Variants in CYP4Z1 observed in about 807,000 individuals in gnomAD.
CYP4Z1 encodes cytochrome P450 4Z1.
CYP4Z1 carries 41 observed loss-of-function variants against 54.2 expected under a neutral mutation model. The ratio of observed to expected loss-of-function variants is 0.76; its 90% CI spans 0.59 to 0.98. The LOEUF is 0.98. Ranked by LOEUF, CYP4Z1 falls within the 50% of genes least tolerant of loss-of-function variation. CYP4Z1 has a pLI of 0.00. For missense variants in CYP4Z1, 513 were observed against 599.0 expected (o/e 0.86, Z 1.50); for synonymous variants, 163 against 206.2 (o/e 0.79, Z 1.79).
intron 2 of CYP4Z1, among the ~76,000 whole-genome samples, chr1:47,077,882 A>G (rs1471057960): frequency 5.3e-5 from 8 of 152,236 alleles, no homozygotes; most frequent in South Asian, 2.1e-4. Flanking sequence ...GTCTCCCAAA[A>G]TGCTGAGACT....
intron 9 of CYP4Z1, among the ~76,000 whole-genome samples, chr1:47,113,819 TTCCATGC>T (rs1344689943): frequency 2.0e-5 from 3 of 152,118 alleles, no homozygotes; most frequent in African/African-American, 4.8e-5. Context: ...TGGAAGAACA[TTCCATGC>T]TCCTGGGTAG....
chr1:47,056,865 C>G, the CYP4Z1 span, among the ~76,000 whole-genome samples: 1 of 152,104 alleles, frequency 6.6e-6, no homozygotes, highest in African/African-American at 2.4e-5. Flanking sequence ...TGTCTTGACT[C>G]TTTATCCAAT....
the CYP4Z1 span, among the ~76,000 whole-genome samples, chr1:47,057,717 T>G: frequency 6.6e-6 from 1 of 151,884 alleles, no homozygotes; most frequent in Non-Finnish European, 1.5e-5. Flanking sequence ...ATATTTTCCT[T>G]TAAGTCTTTT....
intron 2 of CYP4Z1, chr1:47,074,714 A>G: frequency 2.9e-6 from 1 of 349,970 alleles, no homozygotes; most frequent in East Asian, 7.0e-5. Context: ...GCAGTACCAC[A>G]TTGTTTTGGT....
chr1:47,117,954 A>G lies in CYP4Z1; in HGVS notation c.*20A>G, dbSNP rs1254298547. The G allele has an allele frequency of 1.9e-6, 3 of 1,606,340 alleles. No homozygotes were observed. The highest frequency in any genetic ancestry group is 2.6e-6 in the Non-Finnish European group (3 of 1,174,754). On this transcript the variant is annotated 3_prime_UTR_variant, in exon 12 of 12. Coordinates refer to ENST00000334194, the MANE Select transcript of CYP4Z1 (RefSeq NM_178134.3). ...TGCTAATTTTAAGTCCTTTCGTATA[A>G]GAATTAATGAGACAATTTTCCTACC...
chr1:47,090,666 T>G (rs1370753759), intron 6 of CYP4Z1, among the ~76,000 whole-genome samples: 3 of 152,212 alleles, frequency 2.0e-5, no homozygotes, highest in Admixed American at 6.5e-5. Context: ...CTCAGTTACT[T>G]ATCTTTCATG....
intron 6 of CYP4Z1, among the ~76,000 whole-genome samples, chr1:47,089,320 T>G (rs1021493581): frequency 6.6e-6 from 1 of 152,164 alleles, no homozygotes; most frequent in African/African-American, 2.4e-5. Flanking sequence ...TGGGTTTTTT[T>G]AATAATTTTT....
intron 9 of CYP4Z1, among the ~76,000 whole-genome samples, chr1:47,107,862 G>C (rs1249879958): frequency 1.3e-5 from 2 of 152,052 alleles, no homozygotes; most frequent in Admixed American, 1.3e-4. Flanking sequence ...TCCTGATCTT[G>C]TGGCTTTTGC....
rs1026374640 is a variant in CYP4Z1 at position 47,082,578 on chromosome 1, A to G, written c.492+117A>G. ...TGTTCACAGCAGTTTATATGGGGTT[A>G]TTTGATGTTTAGACCATGACCATCA... On this transcript the variant is annotated intron_variant, in intron 4 of 11. Coordinates refer to ENST00000334194, the MANE Select transcript of CYP4Z1 (RefSeq NM_178134.3). 9 of 1,451,050 alleles carry G rather than the reference A, an allele frequency of 6.2e-6. No individual in the cohort carries two copies. In the African/African-American group the frequency reaches 1.3e-4, roughly 21 times the overall value. 89.9% of individuals were successfully genotyped at this position (1,451,050 alleles called of 1,614,324 possible).
At chr1:47,095,353 T>C (rs1334213908) in intron 7 of CYP4Z1, among the ~76,000 whole-genome samples, 1 of 152,184 alleles carries the variant, frequency 6.6e-6, no homozygotes, top group African/African-American at 2.4e-5. Context: ...TCATATTTTA[T>C]TCCTGTTTCC....
chr1:47,106,653 A>C (rs1644759788), intron 9 of CYP4Z1, among the ~76,000 whole-genome samples: 1 of 152,180 alleles, frequency 6.6e-6, no homozygotes, highest in South Asian at 2.1e-4. Flanking sequence ...CCGGCAGGGC[A>C]TGTCACTGGA....
chr1:47,114,363 A>C (rs1008429350), intron 9 of CYP4Z1, among the ~76,000 whole-genome samples: 1 of 152,160 alleles, frequency 6.6e-6, no homozygotes, highest in African/African-American at 2.4e-5. Context: ...CCTAGGCAAT[A>C]CCATTCAGGA....
At chr1:47,061,574 T>C in the CYP4Z1 span, among the ~76,000 whole-genome samples, 3 of 152,098 alleles carry the variant, frequency 2.0e-5, no homozygotes, top group African/African-American at 4.8e-5. Context: ...CAGAACCAGA[T>C]TAATTCATAG....
intron 9 of CYP4Z1, among the ~76,000 whole-genome samples, chr1:47,113,198 G>T (rs1035177013): frequency 2.0e-5 from 3 of 152,138 alleles, no homozygotes; most frequent in Non-Finnish European, 4.4e-5. Context: ...AATTTCTCAT[G>T]CTTTCTCAAG....
intron 9 of CYP4Z1, among the ~76,000 whole-genome samples, chr1:47,114,111 G>A (rs1329683306): frequency 6.6e-6 from 1 of 151,924 alleles, no homozygotes; most frequent in African/African-American, 2.4e-5. Flanking sequence ...TAGATCAATG[G>A]AACAGAACAG....
chr1:47,055,654 G>T, the CYP4Z1 span, among the ~76,000 whole-genome samples: 1 of 152,292 alleles, frequency 6.6e-6, no homozygotes, highest in East Asian at 1.9e-4. Flanking sequence ...TTGGGAGGGT[G>T]TATGTGTCGA....
intron 8 of CYP4Z1, 57 bp from the exon 9 acceptor site, chr1:47,106,071 A>G: frequency 6.4e-7 from 1 of 1,554,526 alleles, no homozygotes; most frequent in African/African-American, 1.4e-5. Flanking sequence ...CTGGGCTTTC[A>G]GTGCAATGCC....
the CYP4Z1 span, among the ~76,000 whole-genome samples, chr1:47,057,377 T>TATATATAG: frequency 8.3e-6 from 1 of 120,744 alleles, no homozygotes; most frequent in Non-Finnish European, 1.7e-5. Flanking sequence ...TATATATATA[T>TATATATAG]GTATATTCTG....
At chr1:47,073,288 A>G (rs1644495216) in intron 2 of CYP4Z1, among the ~76,000 whole-genome samples, 1 of 113,230 alleles carries the variant, frequency 8.8e-6, no homozygotes, top group Admixed American at 1.0e-4. Context: ...ATTATATTCT[A>G]CTGTATGAAT....
Sources: allele counts gnomAD v4.1 joint callset (sites outside exome capture counted in the v4.1 genomes callset), GRCh38; gene constraint gnomAD v4.1.1; transcripts MANE v1.5; gene names NCBI Gene and HGNC (gene_info 2026-07-23, HGNC 2026-07-21).